The following KLHL1 variants were observed in gnomAD, a reference collection of about 807,000 sequenced individuals.
The protein encoded by KLHL1 is kelch like family member 1.
Under a neutral mutation model 77.7 loss-of-function variants are expected in KLHL1, and 47 were observed. The observed-to-expected ratio is 0.60, with a 90% CI of 0.48 to 0.77. The LOEUF is 0.77. Among genes scored for constraint, KLHL1 ranks in the 30% least tolerant of loss-of-function variants. KLHL1 has a pLI of 0.00. For missense variants in KLHL1, 925 were observed against 910.8 expected (o/e 1.02, Z -0.20); for synonymous variants, 360 against 325.2 (o/e 1.11, Z -1.15).
At chr13:70,012,582 A>T (rs995075588) in intron 1 of KLHL1, among the ~76,000 whole-genome samples, 1 of 152,166 alleles carries the variant, frequency 6.6e-6, no homozygotes, top group African/African-American at 2.4e-5. Flanking sequence ...TAAACATGTG[A>T]TTAGATTATT....
intron 1 of KLHL1, among the ~76,000 whole-genome samples, chr13:70,047,879 A>T (rs1886541064): frequency 6.6e-6 from 1 of 152,200 alleles, no homozygotes; most frequent in Non-Finnish European, 1.5e-5. Flanking sequence ...GGGGAAGTGC[A>T]GTCTTGGTGC....
intron 1 of KLHL1, among the ~76,000 whole-genome samples, chr13:70,000,914 A>G (rs1566487665): frequency 7.2e-6 from 1 of 139,784 alleles, no homozygotes; most frequent in African/African-American, 2.9e-5. Flanking sequence ...GCAAAGATAA[A>G]ATATAACTTA....
intron 1 of KLHL1, among the ~76,000 whole-genome samples, chr13:70,002,243 A>G (rs1225640695): frequency 1.3e-5 from 2 of 151,658 alleles, no homozygotes; most frequent in Admixed American, 6.6e-5. Flanking sequence ...AATAAAGAAA[A>G]AGATTCCAAA....
chr13:69,877,475 T>A (rs5017933), intron 5 of KLHL1, among the ~76,000 whole-genome samples: 3,059 of 145,096 alleles, frequency 0.021, 48 homozygotes, highest in African/African-American at 0.062. Context: ...ATATATATAT[T>A]TTTTTTTCAG....
intron 5 of KLHL1, among the ~76,000 whole-genome samples, chr13:69,876,639 T>A (rs1247626586): frequency 1.3e-5 from 2 of 152,134 alleles, no homozygotes; most frequent in Non-Finnish European, 2.9e-5. Flanking sequence ...TACATGCACA[T>A]AAACACTCAC....
intron 6 of KLHL1, among the ~76,000 whole-genome samples, chr13:69,818,220 T>C (rs1164487546): frequency 1.9e-5 from 2 of 104,242 alleles, no homozygotes; most frequent in African/African-American, 8.4e-5. Flanking sequence ...CATAGGCATC[T>C]TTTTTTTTTT....
At chr13:70,002,990 G>A (rs1404520160) in intron 1 of KLHL1, among the ~76,000 whole-genome samples, 1 of 151,534 alleles carries the variant, frequency 6.6e-6, no homozygotes, top group East Asian at 1.9e-4. Flanking sequence ...AATATATTGA[G>A]CTTGTAGATA....
chr13:69,872,872 T>G (rs73508470), intron 5 of KLHL1, among the ~76,000 whole-genome samples: 38,278 of 151,932 alleles, frequency 0.25, 7,662 homozygotes, highest in African/African-American at 0.56. Flanking sequence ...TGAGGGATCC[T>G]CCCCAATGAC....
intron 4 of KLHL1, among the ~76,000 whole-genome samples, chr13:69,939,361 A>ATATACATATACATAC (rs1883288167): frequency 5.4e-5 from 5 of 93,304 alleles, no homozygotes; most frequent in African/African-American, 2.2e-4. Context: ...ATATATATAT[A>ATATACATATACATAC]TATATATATA....
chr13:70,085,060 A>G (rs1386652517), intron 1 of KLHL1, among the ~76,000 whole-genome samples: 1 of 152,146 alleles, frequency 6.6e-6, no homozygotes, highest in African/African-American at 2.4e-5. Flanking sequence ...AAAATCATAT[A>G]TCCGTATGTG....
intron 8 of KLHL1, among the ~76,000 whole-genome samples, chr13:69,729,338 T>G (rs1873440329): frequency 6.6e-6 from 1 of 152,160 alleles, no homozygotes; most frequent in African/African-American, 2.4e-5. Flanking sequence ...TTTTAAGCCA[T>G]AAACCAATTT....
At chr13:69,813,594 C>A (rs1877993499) in intron 6 of KLHL1, among the ~76,000 whole-genome samples, 1 of 151,772 alleles carries the variant, frequency 6.6e-6, no homozygotes, top group Non-Finnish European at 1.5e-5. Context: ...AGTGGCATTT[C>A]TATATACAAA....
At chr13:69,875,262 A>G (rs1220073877) in intron 5 of KLHL1, among the ~76,000 whole-genome samples, 1 of 152,120 alleles carries the variant, frequency 6.6e-6, no homozygotes, top group East Asian at 1.9e-4. Context: ...AAATAACTAC[A>G]TATTATGTTG....
chr13:69,985,053 A>G (rs1187230314), intron 1 of KLHL1, among the ~76,000 whole-genome samples: 3 of 152,176 alleles, frequency 2.0e-5, no homozygotes, highest in African/African-American at 7.2e-5. Context: ...CAGAGTTTGC[A>G]GTGAGCCGAG....
chr13:69,808,341 G>A (rs1386441815), intron 6 of KLHL1, among the ~76,000 whole-genome samples: 2 of 151,982 alleles, frequency 1.3e-5, no homozygotes, highest in African/African-American at 4.8e-5. Flanking sequence ...TTACTCTTAA[G>A]GACCACCTAG....
At chr13:69,870,397 C>A (rs921644120) in intron 5 of KLHL1, among the ~76,000 whole-genome samples, 2 of 152,094 alleles carry the variant, frequency 1.3e-5, no homozygotes, top group Non-Finnish European at 2.9e-5. Flanking sequence ...AAACACTTCC[C>A]ATTAGGCCTC....
intron 2 of KLHL1, among the ~76,000 whole-genome samples, chr13:69,972,981 G>A (rs1884435053): frequency 6.6e-6 from 1 of 151,804 alleles, no homozygotes; most frequent in South Asian, 2.1e-4. Context: ...TGGTTTACTT[G>A]TTGCTGATCA....
chr13:70,093,615 G>T (rs1887721094), intron 1 of KLHL1, among the ~76,000 whole-genome samples: 2 of 152,060 alleles, frequency 1.3e-5, no homozygotes, highest in Admixed American at 6.5e-5. Flanking sequence ...CACATAAATT[G>T]TGTATAAGGG....
chr13:69,931,547 T>C (rs1380576037), intron 4 of KLHL1, among the ~76,000 whole-genome samples: 1 of 151,812 alleles, frequency 6.6e-6, no homozygotes, highest in East Asian at 1.9e-4. Flanking sequence ...TTTTCTATTA[T>C]GATGTGTTAT....
Sources: gnomAD v4.1 joint callset for allele counts (sites outside exome capture counted in the v4.1 genomes callset) on GRCh38, gnomAD v4.1.1 for gene constraint, MANE v1.5 for transcripts, NCBI Gene and HGNC (gene_info 2026-07-23, HGNC 2026-07-21) for gene names.